Variants in OPRD1 observed in about 807,000 individuals in gnomAD.
OPRD1 encodes the protein opioid receptor delta 1, also known as delta-type opioid receptor.
Under a neutral mutation model 17.5 loss-of-function variants are expected in OPRD1, and 19 were observed. The observed-to-expected ratio is 1.09, with a 90% CI of 0.76 to 1.60. The LOEUF (loss-of-function observed/expected upper bound fraction) is 1.60. OPRD1 is among the 40% of genes most tolerant of loss of function. OPRD1 has a pLI of 0.00. For synonymous variants in OPRD1, 256 were observed against 240.9 expected (o/e 1.06, Z -0.58); for missense variants, 483 against 547.2 (o/e 0.88, Z 1.17).
chr1:28,846,893 TTC>T (rs1491433914), intron 1 of OPRD1, among the ~76,000 whole-genome samples: 1,619 of 45,478 alleles, frequency 0.036, 34 homozygotes, highest in African/African-American at 0.071. Flanking sequence ...TTTCTTTCTT[TTC>T]TCTTTCTTTC....
intron 1 of OPRD1, among the ~76,000 whole-genome samples, chr1:28,847,665 C>A (rs2088965636): frequency 6.6e-6 from 1 of 151,890 alleles, no homozygotes. Flanking sequence ...GAAACCCTGT[C>A]TCTACAAATA....
chr1:28,845,956 A>T (rs888884143), intron 1 of OPRD1, among the ~76,000 whole-genome samples: 1 of 152,180 alleles, frequency 6.6e-6, no homozygotes, highest in Non-Finnish European at 1.5e-5. Flanking sequence ...TAAATGAACC[A>T]CATCACTTCC....
At chr1:28,840,915 C>T (rs984583640) in intron 1 of OPRD1, among the ~76,000 whole-genome samples, 9 of 151,648 alleles carry the variant, frequency 5.9e-5, no homozygotes, top group Non-Finnish European at 1.2e-4. Context: ...AATGAGACTC[C>T]GTCTCAAAAA....
Position 28,858,870 on chromosome 1 carries a change from A to C in OPRD1, c.228-84A>C, listed in dbSNP as rs1017260945. 21 of 1,339,506 alleles carry C rather than the reference A, an allele frequency of 1.6e-5. No homozygotes were observed. In the Admixed American group the frequency reaches 2.8e-4, roughly 18 times the overall value. The allele number at this position is 1,339,506 out of a possible 1,614,324, so 83.0% of individuals were successfully genotyped here. On this transcript the variant is annotated intron_variant, in intron 1 of 2. Transcript: ENST00000234961. Reference sequence around the variant, plus strand: ...CTCCCCTGACCTTTTGCATGTCCTTAGGAAAGCTACTTCCCTTCCTTGAGT... The same window carrying C: ...CTCCCCTGACCTTTTGCATGTCCTTCGGAAAGCTACTTCCCTTCCTTGAGT...
At chr1:28,847,932 A>G (rs1243495669) in intron 1 of OPRD1, among the ~76,000 whole-genome samples, 1 of 152,030 alleles carries the variant, frequency 6.6e-6, no homozygotes, top group Non-Finnish European at 1.5e-5. Context: ...CCAAAAACAA[A>G]AAACAAAAAA....
intron 2 of OPRD1, among the ~76,000 whole-genome samples, chr1:28,860,601 T>C (rs2089106244): frequency 6.6e-6 from 1 of 152,166 alleles, no homozygotes; most frequent in Non-Finnish European, 1.5e-5. Flanking sequence ...TAATAGCTAT[T>C]AAATGATTAA....
chr1:28,846,854 C>CTTTCTTTCTTTCTTTCTTTCTTTCT (rs1557575940), intron 1 of OPRD1, among the ~76,000 whole-genome samples: 129 of 54,182 alleles, frequency 2.4e-3, no homozygotes, highest in African/African-American at 6.9e-3. Flanking sequence ...TCTTTTCTTT[C>CTTTCTTTCTTTCTTTCTTTCTTTCT]TTTCTTTCTT....
chr1:28,839,245 A>G (rs1465253200), intron 1 of OPRD1, among the ~76,000 whole-genome samples: 2 of 152,110 alleles, frequency 1.3e-5, no homozygotes, highest in Non-Finnish European at 2.9e-5. Context: ...TGGTGGCTCC[A>G]GGCTCTTCTT....
chr1:28,812,320 C>A lies in OPRD1; in HGVS notation c.-64C>A, dbSNP rs942711108. The A allele has an allele frequency of 3.4e-6, 4 of 1,163,268 alleles. No homozygotes were observed. In the African/African-American group the frequency reaches 6.4e-5, roughly 19 times the overall value. 72.1% of individuals were successfully genotyped at this position (1,163,268 alleles called of 1,614,324 possible). A position where few individuals can be genotyped will look rare whatever the true frequency, so the allele number is the denominator to read the frequency against. On this transcript the variant is annotated 5_prime_UTR_variant, in exon 1 of 3. Coordinates refer to ENST00000234961, the MANE Select transcript of OPRD1 (RefSeq NM_000911.4). The stretch of plus-strand genomic sequence containing the variant: ...GCGGCCTCTGCCTTGCCGCTCCCCT[C>A]GCGTCGGATCCCCGCGCCCAGGGCG...
chr1:28,845,811 A>G (rs778494330), intron 1 of OPRD1, among the ~76,000 whole-genome samples: 1 of 152,158 alleles, frequency 6.6e-6, no homozygotes, highest in African/African-American at 2.4e-5. Context: ...AAAATTAGAG[A>G]ACAACAGTAG....
intron 1 of OPRD1, among the ~76,000 whole-genome samples, chr1:28,815,888 G>A (rs2088668714): frequency 1.3e-5 from 2 of 152,186 alleles, no homozygotes; most frequent in Admixed American, 1.3e-4. Flanking sequence ...GGTGTAGTGG[G>A]CAGAGCTGTG....
intron 1 of OPRD1, among the ~76,000 whole-genome samples, chr1:28,817,074 G>A (rs2088676788): frequency 6.6e-6 from 1 of 152,146 alleles, no homozygotes; most frequent in South Asian, 2.1e-4. Context: ...CCTGCCTCCT[G>A]CCAGCCCCGG....
chr1:28,865,610 G>A lies in OPRD1; in HGVS notation c.*2327G>A, dbSNP rs1245547806. On this transcript the variant is annotated 3_prime_UTR_variant, in exon 3 of 3. Coordinates refer to ENST00000234961, the MANE Select transcript of OPRD1 (RefSeq NM_000911.4). The stretch of plus-strand genomic sequence containing the variant: ...CTCCTTTGGGAAATGGCTACCCCGG[G>A]TCCTGGAAAGATGTGGGGCCATGCC... 6.6e-6 allele frequency: 1 copy of A among 152,146 alleles called. No homozygotes were observed. Among genetic ancestry groups the A allele is most frequent in the African/African-American group, 2.4e-5 (1 of 41,418 alleles). The allele number at this position is 152,146 out of a possible 1,614,324, so 9.4% of individuals were successfully genotyped here.
chr1:28,846,859 TTTC>T (rs1557575991), intron 1 of OPRD1, among the ~76,000 whole-genome samples: 24 of 54,384 alleles, frequency 4.4e-4, no homozygotes, highest in African/African-American at 1.1e-3. Flanking sequence ...TCTTTCTTTC[TTTC>T]TTTCTTTCTT....
At chr1:28,858,682 A>G (rs2089081675) in intron 1 of OPRD1, among the ~76,000 whole-genome samples, 1 of 151,766 alleles carries the variant, frequency 6.6e-6, no homozygotes, top group Non-Finnish European at 1.5e-5. Flanking sequence ...AGTAGCTGGA[A>G]TTACAGGCAC....
intron 2 of OPRD1, among the ~76,000 whole-genome samples, chr1:28,859,631 T>C (rs2147750721): frequency 6.6e-6 from 1 of 152,078 alleles, no homozygotes; most frequent in East Asian, 1.9e-4. Context: ...GTTATGTACA[T>C]GTAGGTGGCT....
chr1:28,842,177 G>A (rs993008919), intron 1 of OPRD1, among the ~76,000 whole-genome samples: 4 of 152,082 alleles, frequency 2.6e-5, no homozygotes, highest in Admixed American at 6.6e-5. Flanking sequence ...CTATAGGCAT[G>A]CGCCACCACG....
At position 28,828,650 on chromosome 1, in the gene OPRD1, C is replaced by T. The variant is rs570500599; in HGVS notation, c.227+16040C>T. On this transcript the variant is annotated intron_variant, in intron 1 of 2. Coordinates refer to ENST00000234961, the MANE Select transcript of OPRD1 (RefSeq NM_000911.4). Reference sequence around the variant, plus strand: ...GCACTGAGCTATGATCGTGCCACTGCATTCCAGCCTGAGTGACAGAGTGAA... The same window carrying T: ...GCACTGAGCTATGATCGTGCCACTGTATTCCAGCCTGAGTGACAGAGTGAA... Among the ~76,000 whole-genome samples the T allele has an allele frequency of 5.7e-5, 8 of 140,344 alleles. No homozygotes were observed. In the East Asian group the frequency reaches 1.8e-3, roughly 32 times the overall value. 92.1% of individuals were successfully genotyped at this position (140,344 alleles called of 152,430 possible). A position where few individuals can be genotyped will look rare whatever the true frequency, so the allele number is the denominator to read the frequency against.
chr1:28,860,996 C>T (rs181120905), intron 2 of OPRD1, among the ~76,000 whole-genome samples: 1 of 152,184 alleles, frequency 6.6e-6, no homozygotes, highest in Non-Finnish European at 1.5e-5. Context: ...CCTCCTCACT[C>T]CACAATCCCT....
Sources: allele counts gnomAD v4.1 joint callset (sites outside exome capture counted in the v4.1 genomes callset), GRCh38; gene constraint gnomAD v4.1.1; transcripts MANE v1.5; gene names NCBI Gene and HGNC (gene_info 2026-07-23, HGNC 2026-07-21).